SYNE2: variants seen among roughly 807,000 people sequenced by gnomAD.
The protein encoded by SYNE2 is nesprin-2.
Under a neutral mutation model 856.3 loss-of-function variants are expected in SYNE2, and 431 were observed. The ratio of observed to expected loss-of-function variants is 0.50; its 90% CI spans 0.47 to 0.55. The LOEUF is 0.55. Ranked by LOEUF, SYNE2 falls within the 20% of genes least tolerant of loss-of-function variation. The probability of loss-of-function intolerance (pLI) is 0.00; values close to 1 mark genes in which losing one functional copy is unlikely to be tolerated. For missense variants in SYNE2, 8,129 were observed against 8,023.2 expected (o/e 1.01, Z -0.50); for synonymous variants, 2,923 against 2,872.3 (o/e 1.02, Z -0.56).
intron 32 of SYNE2, among the ~76,000 whole-genome samples, chr14:64,014,277 A>G (rs2096870501): frequency 6.6e-6 from 1 of 152,204 alleles, no homozygotes; most frequent in South Asian, 2.1e-4. Flanking sequence ...CCACTGAAGG[A>G]CATCTGGGTT....
At chr14:64,080,969 GACA>G in intron 56 of SYNE2, among the ~76,000 whole-genome samples, 1 of 152,110 alleles carries the variant, frequency 6.6e-6, no homozygotes, top group East Asian at 1.9e-4. Context: ...TAGTAAGGGA[GACA>G]ACAATGAGAA....
At chr14:63,881,265 C>T (rs911883599) in intron 1 of SYNE2, among the ~76,000 whole-genome samples, 1 of 152,074 alleles carries the variant, frequency 6.6e-6, no homozygotes, top group African/African-American at 2.4e-5. Context: ...AGGTGTGAGC[C>T]ACCATACCCA....
intron 32 of SYNE2, among the ~76,000 whole-genome samples, chr14:64,015,916 CTT>C (rs763266483): frequency 3.9e-5 from 6 of 152,010 alleles, no homozygotes; most frequent in Non-Finnish European, 8.8e-5. Flanking sequence ...AAAAATTTCT[CTT>C]GAGACTTCCT....
intron 115 of SYNE2, 85 bp downstream of exon 115, chr14:64,225,130 C>T (rs1409267382): frequency 6.4e-7 from 1 of 1,571,788 alleles, no homozygotes; most frequent in Non-Finnish European, 8.7e-7. Flanking sequence ...CTATCAAGGT[C>T]CTTGCAAAAA....
At chr14:63,815,440 A>C (rs984132955) in intron 1 of SYNE2, among the ~76,000 whole-genome samples, 10 of 151,740 alleles carry the variant, frequency 6.6e-5, no homozygotes, top group African/African-American at 2.4e-4. Flanking sequence ...AGGCCAGTCT[A>C]GTGTTTTCAT....
At chr14:63,942,875 C>T (rs2095944831) in intron 6 of SYNE2, among the ~76,000 whole-genome samples, 1 of 152,094 alleles carries the variant, frequency 6.6e-6, no homozygotes, top group Non-Finnish European at 1.5e-5. Flanking sequence ...AGGTGATCTG[C>T]CTGCCTCGAC....
chr14:64,183,281 TGG>T (rs1256002234), intron 96 of SYNE2, among the ~76,000 whole-genome samples: 12 of 137,530 alleles, frequency 8.7e-5, no homozygotes, highest in African/African-American at 2.8e-4. Flanking sequence ...CCAGACAGGG[TGG>T]CGGCCGGGCA....
chr14:64,095,901 G>A (rs998907731), intron 61 of SYNE2, among the ~76,000 whole-genome samples: 3 of 152,078 alleles, frequency 2.0e-5, no homozygotes, highest in African/African-American at 7.2e-5. Context: ...AGTCATGAGG[G>A]CTCTTCCCTC....
intron 49 of SYNE2, among the ~76,000 whole-genome samples, chr14:64,056,748 G>A (rs925157942): frequency 2.0e-5 from 3 of 151,566 alleles, no homozygotes; most frequent in African/African-American, 4.9e-5. Flanking sequence ...TTGGCTCACT[G>A]CAACCTCCGC....
chr14:63,849,264 CCTTT>C (rs1334857129), upstream of SYNE2, among the ~76,000 whole-genome samples: 1 of 126,404 alleles, frequency 7.9e-6, no homozygotes, highest in Non-Finnish European at 1.6e-5. Flanking sequence ...AAGTTAATCT[CCTTT>C]TTTTTTTTTT....
chr14:64,065,674 C>T (rs2097353380), intron 51 of SYNE2, 24 bp downstream of exon 51: 3 of 1,610,744 alleles, frequency 1.9e-6, no homozygotes, highest in Middle Eastern at 1.6e-4. Flanking sequence ...TTTCAACAAA[C>T]CATGTAGTTT....
At chr14:64,024,161 A>G (rs2096959568) in intron 38 of SYNE2, 96 bp from the exon 39 acceptor site, 4 of 969,580 alleles carry the variant, frequency 4.1e-6, no homozygotes, top group South Asian at 1.3e-5. Context: ...AGAAGGTGGT[A>G]TGTCTGTGTA....
At chr14:63,924,840 T>TTTTTTTTTTTGCC (rs2095643473) in intron 2 of SYNE2, among the ~76,000 whole-genome samples, 1 of 66,576 alleles carries the variant, frequency 1.5e-5, no homozygotes, top group Admixed American at 1.5e-4. Flanking sequence ...TGGTGTTTTT[T>TTTTTTTTTTTGCC]TTTTTTTTTT....
chr14:64,167,809 T>G (rs950207803), intron 92 of SYNE2, among the ~76,000 whole-genome samples, 170 bp downstream of exon 92: 2 of 152,244 alleles, frequency 1.3e-5, no homozygotes. Flanking sequence ...CTTGTACGTT[T>G]CATAAATTTC....
chr14:64,031,864 G>A (rs1052728733), intron 45 of SYNE2, among the ~76,000 whole-genome samples: 1 of 152,218 alleles, frequency 6.6e-6, no homozygotes, highest in Non-Finnish European at 1.5e-5. Flanking sequence ...GGAGAAGAAA[G>A]AAGAATGTTT....
chr14:64,081,105 G>A (rs141162869), intron 56 of SYNE2, among the ~76,000 whole-genome samples: 1 of 152,290 alleles, frequency 6.6e-6, no homozygotes, highest in East Asian at 1.9e-4. Flanking sequence ...AAGAACTGTA[G>A]GGCAAGGTCC....
chr14:63,996,521 C>T (rs1439531633), intron 23 of SYNE2, among the ~76,000 whole-genome samples: 1 of 152,044 alleles, frequency 6.6e-6, no homozygotes, highest in African/African-American at 2.4e-5. Flanking sequence ...CACTGGAGTT[C>T]TGGTCCTTTG....
chr14:64,002,128 T>C, intron 29 of SYNE2, 47 bp downstream of exon 29: 1 of 1,436,000 alleles, frequency 7.0e-7, no homozygotes, highest in Non-Finnish European at 9.8e-7. Flanking sequence ...AATCGAGTCT[T>C]TTGAGATTTA....
intron 1 of SYNE2, among the ~76,000 whole-genome samples, chr14:63,815,147 CACATATATATCCAT>C (rs1344748286): frequency 3.9e-5 from 2 of 51,912 alleles, no homozygotes; most frequent in African/African-American, 1.3e-4. Context: ...CATATATATA[CACATATATATCCAT>C]ATATATCCAC....
Sources: gnomAD v4.1 joint callset for allele counts (sites outside exome capture counted in the v4.1 genomes callset) on GRCh38, gnomAD v4.1.1 for gene constraint, MANE v1.5 for transcripts, NCBI Gene and HGNC (gene_info 2026-07-23, HGNC 2026-07-21) for gene names.